Variants in DMD observed in about 807,000 individuals in gnomAD.
DMD encodes the protein dystrophin.
DMD carries 63 observed loss-of-function variants against 330.1 expected under a neutral mutation model. The observed-to-expected ratio is 0.19, with a 90% CI of 0.16 to 0.24. The LOEUF (loss-of-function observed/expected upper bound fraction) is 0.24. DMD is among the 10% of genes least tolerant of loss of function. The pLI, the probability that DMD is intolerant of heterozygous loss-of-function variation, is 1.00. For missense variants in DMD, 3,344 were observed against 2,684.1 expected, an observed-to-expected ratio of 1.25 and a Z score of -5.43; for synonymous variants, 1,223 against 959.8, an observed-to-expected ratio of 1.27 and a Z score of -5.07.
At chrX:32,652,498 G>A (rs947119007) in intron 9 of DMD, among the ~76,000 whole-genome samples, 9 of 110,140 alleles carry the variant, frequency 8.2e-5, no homozygotes, top group Non-Finnish European at 1.3e-4. Context: ...AGTATTTCAT[G>A]GTGTATATGT....
chrX:31,130,216 C>G (rs1302225579), intron 77 of DMD, among the ~76,000 whole-genome samples: 1 of 111,955 alleles, frequency 8.9e-6, no homozygotes, highest in East Asian at 2.8e-4. Context: ...CTTTGTTAGT[C>G]TGCTAAATGA....
chrX:32,112,662 T>C (rs896375166), intron 44 of DMD, among the ~76,000 whole-genome samples: 2 of 111,898 alleles, frequency 1.8e-5, no homozygotes, highest in Non-Finnish European at 3.8e-5. Context: ...AAGAAAACAA[T>C]AGGGCAGAGG....
chrX:33,290,503 T>TC (rs774524246), intron 1 of DMD, among the ~76,000 whole-genome samples: 2 of 111,529 alleles, frequency 1.8e-5, no homozygotes, highest in East Asian at 5.7e-4. Context: ...TTTACATATC[T>TC]CCCCCAACCC....
At chrX:31,959,061 C>T (rs2150136940) in intron 45 of DMD, among the ~76,000 whole-genome samples, 1 of 111,447 alleles carries the variant, frequency 9.0e-6, no homozygotes, top group African/African-American at 3.3e-5. Flanking sequence ...ATCTACTTAA[C>T]GACTAAATTG....
chrX:31,572,217 C>T (rs1054009215), intron 55 of DMD, among the ~76,000 whole-genome samples: 19 of 112,200 alleles, frequency 1.7e-4, no homozygotes, highest in African/African-American at 5.5e-4. Context: ...TGTTTCCTAT[C>T]ATTGCATAAG....
chrX:31,222,066 G>T (rs941268643), intron 64 of DMD, among the ~76,000 whole-genome samples: 1 of 110,662 alleles, frequency 9.0e-6, no homozygotes, highest in South Asian at 3.8e-4. Context: ...CGTGGTGGTG[G>T]GTGCCTGTAG....
At chrX:32,206,832 G>C in intron 44 of DMD, 1 of 350,391 alleles carries the variant, frequency 2.9e-6, no homozygotes, top group South Asian at 3.3e-5. Context: ...TGCAGAGTGA[G>C]AACCTTCCCT....
intron 1 of DMD, among the ~76,000 whole-genome samples, chrX:33,043,258 TC>T (rs1248024114): frequency 9.0e-6 from 1 of 111,498 alleles, no homozygotes; most frequent in East Asian, 2.8e-4. Flanking sequence ...ATTCCCAATT[TC>T]CCACTCTAAT....
intron 42 of DMD, among the ~76,000 whole-genome samples, chrX:32,293,898 G>T (rs1422059584): frequency 1.8e-5 from 2 of 111,623 alleles, no homozygotes; most frequent in Non-Finnish European, 1.9e-5. Context: ...AAAAGCCATT[G>T]AACTCAAGCG....
intron 25 of DMD, among the ~76,000 whole-genome samples, chrX:32,461,339 T>C (rs2098382730): frequency 9.0e-6 from 1 of 111,167 alleles, no homozygotes; most frequent in Admixed American, 9.7e-5. Context: ...TTGAGCGCCA[T>C]TGTTCCTTCC....
At chrX:32,053,831 T>C (rs1294680385) in intron 44 of DMD, among the ~76,000 whole-genome samples, 1 of 111,388 alleles carries the variant, frequency 9.0e-6, no homozygotes, top group Non-Finnish European at 1.9e-5. Context: ...CTTAAAATAG[T>C]TCTTTAAATC....
chrX:33,257,740 A>AT (rs1255084805), intron 1 of DMD, among the ~76,000 whole-genome samples: 1 of 110,712 alleles, frequency 9.0e-6, no homozygotes, highest in African/African-American at 3.3e-5. Flanking sequence ...GCACAGTTAT[A>AT]TTTTTCCAAG....
At chrX:32,766,621 T>C (rs1187086568) in intron 7 of DMD, among the ~76,000 whole-genome samples, 4 of 111,593 alleles carry the variant, frequency 3.6e-5, no homozygotes, top group African/African-American at 1.3e-4. Context: ...TTTCTACATA[T>C]AAGATCATAT....
intron 1 of DMD, among the ~76,000 whole-genome samples, chrX:33,332,977 T>C (rs1450250998): frequency 1.8e-5 from 2 of 110,947 alleles, no homozygotes; most frequent in African/African-American, 6.5e-5. Flanking sequence ...TTATGAGTAA[T>C]GTGAACCAGA....
At chrX:32,365,314 C>T in intron 34 of DMD, 115 bp from the exon 35 acceptor site, 1 of 697,670 alleles carries the variant, frequency 1.4e-6, no homozygotes, top group Non-Finnish European at 2.2e-6. Context: ...AAACCTATAA[C>T]TATGTATTAA....
In DMD at chrX:32,844,406, C is replaced by CA. The variant is rs113585554; in HGVS notation, c.264+376dup. ...GGGACAGAAGAGCGAGACTCCATCT[C>CA]AAAAAAAAAAAAAAAGAAAAGAAAA... is the stretch of plus-strand genomic sequence containing the variant. On this transcript the variant is annotated intron_variant, in intron 4 of 78. Transcript: ENST00000357033. 3.5e-3 allele frequency among the ~76,000 whole-genome samples: 262 copies of CA among 73,929 alleles called. 1 individual carries two copies. Among genetic ancestry groups the CA allele is most frequent in the East Asian group, 0.03 (65 of 2,139 alleles). 64.2% of individuals were successfully genotyped at this position (73,929 alleles called of 115,157 possible). A position where few individuals can be genotyped will look rare whatever the true frequency, so the allele number is the denominator to read the frequency against.
chrX:32,633,043 G>T (rs754159869), intron 11 of DMD, among the ~76,000 whole-genome samples: 11 of 111,823 alleles, frequency 9.8e-5, no homozygotes, highest in African/African-American at 3.6e-4. Flanking sequence ...AACCTTTATG[G>T]TCTGCTTTCC....
chrX:31,663,299 A>G (rs2081239416), intron 53 of DMD, among the ~76,000 whole-genome samples: 1 of 111,079 alleles, frequency 9.0e-6, no homozygotes, highest in African/African-American at 3.3e-5. Flanking sequence ...GGCTTTGGTA[A>G]AACTTGTCGG....
chrX:31,659,426 G>A (rs2080981604), intron 53 of DMD, among the ~76,000 whole-genome samples: 1 of 109,883 alleles, frequency 9.1e-6, no homozygotes, highest in Non-Finnish European at 1.9e-5. Flanking sequence ...GGATCACGAG[G>A]TCAGGAGTTC....
Sources: allele counts gnomAD v4.1 joint callset (sites outside exome capture counted in the v4.1 genomes callset), GRCh38; gene constraint gnomAD v4.1.1; transcripts MANE v1.5; gene names NCBI Gene and HGNC (gene_info 2026-07-23, HGNC 2026-07-21).